The following SPMIP2 variants were observed in gnomAD, a reference collection of about 807,000 sequenced individuals.
The protein encoded by SPMIP2 is sperm microtubule inner protein 2, also known as protein SPMIP2.
chr4:159,052,976 A>G, the SPMIP2 span, among the ~76,000 whole-genome samples: 23 of 95,792 alleles, frequency 2.4e-4, no homozygotes, highest in South Asian at 7.5e-3. Context: ...TTTTTTTTTG[A>G]GACGGAGTCT....
At chr4:159,078,558 G>A in the SPMIP2 span, among the ~76,000 whole-genome samples, 7 of 152,176 alleles carry the variant, frequency 4.6e-5, no homozygotes, top group Middle Eastern at 3.2e-3. Context: ...TTTATCTTAG[G>A]CTGAATAAAT....
At chr4:158,980,308 G>A in the SPMIP2 span, among the ~76,000 whole-genome samples, 1 of 152,208 alleles carries the variant, frequency 6.6e-6, no homozygotes, top group African/African-American at 2.4e-5. Flanking sequence ...CTGCCTGCCG[G>A]CTCTGAAGAG....
the SPMIP2 span, among the ~76,000 whole-genome samples, chr4:158,975,442 TAA>T: frequency 6.6e-6 from 1 of 152,236 alleles, no homozygotes; most frequent in African/African-American, 2.4e-5. Flanking sequence ...GTCTTACATT[TAA>T]GTCTTTAATC....
chr4:158,977,862 C>T, the SPMIP2 span, among the ~76,000 whole-genome samples: 147,691 of 152,180 alleles, frequency 0.97, 71,820 homozygotes, highest in East Asian at 1. Flanking sequence ...GATCTGCGCA[C>T]CTCTGCCTCC....
chr4:158,900,514 G>C, the SPMIP2 span, among the ~76,000 whole-genome samples: 1 of 152,180 alleles, frequency 6.6e-6, no homozygotes, highest in Admixed American at 6.6e-5. Flanking sequence ...ATGAATCTGG[G>C]TCCTTCTGTA....
the SPMIP2 span, among the ~76,000 whole-genome samples, chr4:159,029,632 A>G: frequency 6.6e-6 from 1 of 152,272 alleles, no homozygotes; most frequent in African/African-American, 2.4e-5. Context: ...AACAAAACAT[A>G]TGGCTGAGTT....
At chr4:158,995,987 CTA>C in the SPMIP2 span, among the ~76,000 whole-genome samples, 1 of 151,844 alleles carries the variant, frequency 6.6e-6, no homozygotes, top group African/African-American at 2.4e-5. Context: ...CGTTTCGTGA[CTA>C]TGTGTCTTGT....
the SPMIP2 span, among the ~76,000 whole-genome samples, chr4:158,926,955 G>GT: frequency 5.3e-5 from 8 of 152,076 alleles, no homozygotes; most frequent in Non-Finnish European, 1.0e-4. Context: ...CAATTACACA[G>GT]TATACCCATA....
At chr4:158,972,699 T>A in the SPMIP2 span, among the ~76,000 whole-genome samples, 1 of 152,256 alleles carries the variant, frequency 6.6e-6, no homozygotes. Context: ...GAGATGCACG[T>A]GTTAGGTTTG....
At chr4:159,053,146 C>T in the SPMIP2 span, among the ~76,000 whole-genome samples, 1 of 150,106 alleles carries the variant, frequency 6.7e-6, no homozygotes, top group South Asian at 2.1e-4. Flanking sequence ...TTAGTAGAGA[C>T]GGGGTTTCAC....
chr4:159,045,596 G>C, the SPMIP2 span, among the ~76,000 whole-genome samples: 8 of 152,354 alleles, frequency 5.3e-5, no homozygotes, highest in African/African-American at 1.9e-4. Flanking sequence ...AGCTATGAGA[G>C]AGAAAGGGTG....
At chr4:159,081,515 C>T in the SPMIP2 span, among the ~76,000 whole-genome samples, 7 of 151,958 alleles carry the variant, frequency 4.6e-5, no homozygotes, top group Non-Finnish European at 7.4e-5. Flanking sequence ...CATTGGGAGA[C>T]CCTTGTCTCT....
chr4:158,941,112 G>A, the SPMIP2 span, among the ~76,000 whole-genome samples: 1 of 151,814 alleles, frequency 6.6e-6, no homozygotes, highest in Non-Finnish European at 1.5e-5. Flanking sequence ...AGAGAATAGC[G>A]CCAGAAAAAA....
the SPMIP2 span, among the ~76,000 whole-genome samples, chr4:159,034,334 T>A: frequency 6.6e-6 from 1 of 152,192 alleles, no homozygotes; most frequent in Admixed American, 6.5e-5. Context: ...CCTGCTCAAA[T>A]TTTTATCAAG....
the SPMIP2 span, among the ~76,000 whole-genome samples, chr4:159,044,271 A>C: frequency 6.7e-6 from 1 of 149,784 alleles, no homozygotes; most frequent in African/African-American, 2.4e-5. Context: ...CGGGAGGCTG[A>C]GGCAGGAGAA....
the SPMIP2 span, among the ~76,000 whole-genome samples, chr4:159,067,511 G>A: frequency 8.5e-5 from 13 of 152,304 alleles, no homozygotes; most frequent in East Asian, 1.5e-3. Context: ...GATTACAGGC[G>A]TGAGCCACCA....
chr4:159,064,059 C>T, the SPMIP2 span, among the ~76,000 whole-genome samples: 1 of 152,106 alleles, frequency 6.6e-6, no homozygotes, highest in Non-Finnish European at 1.5e-5. Flanking sequence ...CAAAACAAAT[C>T]TCTTGGCTGG....
the SPMIP2 span, among the ~76,000 whole-genome samples, chr4:159,014,194 C>T: frequency 1.3e-5 from 2 of 152,200 alleles, no homozygotes; most frequent in Non-Finnish European, 2.9e-5. Context: ...GTGTCTCACG[C>T]CTGTAATCTC....
chr4:158,966,211 T>C, the SPMIP2 span, among the ~76,000 whole-genome samples: 1 of 152,206 alleles, frequency 6.6e-6, no homozygotes, highest in Non-Finnish European at 1.5e-5. Flanking sequence ...GTTTCCTAGA[T>C]TTAATCCTGG....
Sources: gnomAD v4.1 joint callset for allele counts (sites outside exome capture counted in the v4.1 genomes callset) on GRCh38, gnomAD v4.1.1 for gene constraint, MANE v1.5 for transcripts, NCBI Gene and HGNC (gene_info 2026-07-23, HGNC 2026-07-21) for gene names.